Variants in ABCB4 observed in about 807,000 individuals in gnomAD.
The protein encoded by ABCB4 is phosphatidylcholine translocator ABCB4.
A neutral mutation model predicts 145.7 loss-of-function variants in ABCB4; 76 were observed. The observed-to-expected ratio is 0.52, with a 90% confidence interval of 0.43 to 0.63. ABCB4 has a LOEUF of 0.63. Ranked by LOEUF, ABCB4 falls within the 30% of genes least tolerant of loss-of-function variation. ABCB4 has a pLI of 0.00. For synonymous variants in ABCB4, 517 were observed against 566.8 expected, an observed-to-expected ratio of 0.91 and a Z score of 1.25; for missense variants, 1,234 against 1,553.1, an observed-to-expected ratio of 0.79 and a Z score of 3.45.
At position 87,401,733 on chromosome 7, in the gene ABCB4, G is replaced by A; in HGVS notation, c.*363C>T. 3.2e-6 allele frequency: 1 copy of A among 311,778 alleles called. No homozygotes were observed. The highest frequency in any genetic ancestry group is 4.5e-5 in the Admixed American group (1 of 22,444). 19.3% of individuals were successfully genotyped at this position (311,778 alleles called of 1,614,324 possible). A position where few individuals can be genotyped will look rare whatever the true frequency, so the allele number is the denominator to read the frequency against. The stretch of plus-strand genomic sequence containing the variant: ...ACAATTTATTTTTCTTTTGTACTTG[G>A]GAAAATTATTCCCAAACTTTCCTGT... On this transcript the variant is annotated 3_prime_UTR_variant, in exon 28 of 28. Transcript: ENST00000649586.
At chr7:87,444,086 C>T (rs1156639110) in intron 10 of ABCB4, among the ~76,000 whole-genome samples, 1 of 151,876 alleles carries the variant, frequency 6.6e-6, no homozygotes, top group African/African-American at 2.4e-5. Context: ...TATACAAGTG[C>T]AATAACAAAA....
chr7:87,445,307 T>C (rs1230228287), intron 9 of ABCB4, among the ~76,000 whole-genome samples: 1 of 152,174 alleles, frequency 6.6e-6, no homozygotes, highest in Non-Finnish European at 1.5e-5. Flanking sequence ...TCTCTAACTA[T>C]GCATGGAATT....
intron 7 of ABCB4, among the ~76,000 whole-genome samples, chr7:87,450,723 G>A (rs577299277): frequency 2.0e-4 from 31 of 152,030 alleles, no homozygotes; most frequent in African/African-American, 7.2e-4. Context: ...ACCCACTTTG[G>A]ACTTGTGTCA....
At chr7:87,475,147 C>A (rs1813709452) in intron 2 of ABCB4, among the ~76,000 whole-genome samples, 1 of 152,186 alleles carries the variant, frequency 6.6e-6, no homozygotes. Flanking sequence ...GGGAAGGGAG[C>A]ACTTTTCAAG....
the ABCB4 span, among the ~76,000 whole-genome samples, chr7:87,395,696 G>A: frequency 6.6e-6 from 1 of 152,170 alleles, no homozygotes; most frequent in Non-Finnish European, 1.5e-5. Context: ...AAGTCAGGAA[G>A]TACCTAGCCT....
chr7:87,467,598 C>T (rs545339669), intron 3 of ABCB4, among the ~76,000 whole-genome samples: 2 of 152,338 alleles, frequency 1.3e-5, no homozygotes, highest in African/African-American at 2.4e-5. Flanking sequence ...ATACATTCTT[C>T]TCAGCACCAC....
intron 6 of ABCB4, 111 bp from the exon 7 acceptor site, chr7:87,451,905 C>T: frequency 1.0e-6 from 1 of 1,001,260 alleles, no homozygotes; most frequent in Non-Finnish European, 1.6e-6. Context: ...GACTGCAAGC[C>T]TCTTTCAGAG....
At chr7:87,397,012 A>G (rs1807548013), downstream of ABCB4, among the ~76,000 whole-genome samples, 2 of 152,138 alleles carry the variant, frequency 1.3e-5, no homozygotes. Flanking sequence ...AAGGTTATAA[A>G]CGTATCCTTT....
At chr7:87,377,954 T>C in the ABCB4 span, among the ~76,000 whole-genome samples, 31 of 152,290 alleles carry the variant, frequency 2.0e-4, no homozygotes, top group South Asian at 2.1e-4. Context: ...CTTTTCTTGC[T>C]TCTCCTCTGT....
At chr7:87,417,287 C>T in intron 21 of ABCB4, 25 bp downstream of exon 21, 1 of 1,607,724 alleles carries the variant, frequency 6.2e-7, no homozygotes, top group Non-Finnish European at 8.5e-7. Context: ...ACACTTAACA[C>T]CAATTGAAAT....
At chr7:87,407,728 CTG>C (rs796401977) in intron 25 of ABCB4, among the ~76,000 whole-genome samples, 105 of 152,322 alleles carry the variant, frequency 6.9e-4, no homozygotes, top group African/African-American at 2.5e-3. Flanking sequence ...GGGCAGGAGT[CTG>C]TAGTTCACCT....
chr7:87,404,930 T>C (rs906776379), intron 26 of ABCB4, among the ~76,000 whole-genome samples: 2 of 152,188 alleles, frequency 1.3e-5, no homozygotes, highest in Non-Finnish European at 2.9e-5. Flanking sequence ...GAATGTAAAA[T>C]GGGATGGCCA....
At chr7:87,392,017 G>A in the ABCB4 span, among the ~76,000 whole-genome samples, 1 of 152,136 alleles carries the variant, frequency 6.6e-6, no homozygotes, top group Admixed American at 6.6e-5. Flanking sequence ...AAATCCCAAG[G>A]TGCCTTTAAA....
At chr7:87,400,039 T>C (rs1371773943), downstream of ABCB4, among the ~76,000 whole-genome samples, 1 of 152,136 alleles carries the variant, frequency 6.6e-6, no homozygotes, top group Non-Finnish European at 1.5e-5. Context: ...GCTGGGACTG[T>C]CTCTCCTGAC....
Position 87,475,420 on chromosome 7 carries a change from T to A in ABCB4, c.46A>T (p.Ser16Cys), listed in dbSNP as rs1313918723. ...AKNGTAWRPTSAEGDFELGIS... is the reference protein window; with the variant it reads ...AKNGTAWRPTCAEGDFELGIS... ...CCCAGTTCAAAGTCGCCCTCCGCGC[T>A]CGTGGGGCGCCAGGCTGTTCCGTTC... Residue 16 changes from serine to cysteine, a missense_variant, in exon 2 of 28, where the codon AGC (serine) becomes TGC (cysteine). Around this residue, in one of 7 missense-constraint regions of ABCB4, gnomAD observed 77 missense variants for 73.3 expected, o/e 1.05. Coordinates refer to ENST00000649586, the MANE Select transcript of ABCB4 (RefSeq NM_000443.4). The A allele has an allele frequency of 1.2e-6, 2 of 1,614,188 alleles. No individual in the cohort carries two copies. Among genetic ancestry groups the A allele is most frequent in the Admixed American group, 1.7e-5 (1 of 60,026 alleles).
At chr7:87,442,880 C>A (rs181669631) in intron 12 of ABCB4, among the ~76,000 whole-genome samples, 152 of 152,248 alleles carry the variant, frequency 1.0e-3, no homozygotes, top group African/African-American at 3.6e-3. Flanking sequence ...ATCCCACTTT[C>A]CCCCTTAGAT....
intron 14 of ABCB4, among the ~76,000 whole-genome samples, chr7:87,432,600 C>T (rs1196566822): frequency 6.6e-6 from 1 of 152,046 alleles, no homozygotes; most frequent in African/African-American, 2.4e-5. Flanking sequence ...AAACATTGTG[C>T]TAAGTGAAAG....
At chr7:87,416,444 T>C (rs1306544148) in intron 21 of ABCB4, among the ~76,000 whole-genome samples, 1 of 152,222 alleles carries the variant, frequency 6.6e-6, no homozygotes, top group Non-Finnish European at 1.5e-5. Flanking sequence ...ATAAAACCTA[T>C]ATCACAATTT....
At chr7:87,395,324 C>G in the ABCB4 span, among the ~76,000 whole-genome samples, 1 of 152,174 alleles carries the variant, frequency 6.6e-6, no homozygotes, top group Non-Finnish European at 1.5e-5. Context: ...AGATGGTGCC[C>G]TCCCAGATTA....
Sources: gnomAD v4.1 joint callset for allele counts (sites outside exome capture counted in the v4.1 genomes callset) on GRCh38, gnomAD v4.1.1 for gene constraint, gnomAD v4.1.1 regional missense constraint, MANE v1.5 for transcripts, NCBI Gene and HGNC (gene_info 2026-07-23, HGNC 2026-07-21) for gene names.